The following ADK variants were observed in gnomAD, a reference collection of about 807,000 sequenced individuals.
ADK encodes adenosine kinase, also known as N6,N6-dimethyladenosine kinase.
In ADK, 24 loss-of-function variants were observed where a neutral mutation model predicts 44.7. The observed-to-expected ratio is 0.54, with a 90% CI of 0.39 to 0.76. The LOEUF (loss-of-function observed/expected upper bound fraction) is 0.76, where lower values mean the gene tolerates loss of function less well. ADK is among the 30% of genes least tolerant of loss of function. The probability of loss-of-function intolerance (pLI) is 0.00; values close to 1 mark genes in which losing one functional copy is unlikely to be tolerated. For missense variants in ADK, 321 were observed against 425.1 expected (o/e 0.76, Z 2.15); for synonymous variants, 128 against 142.6 (o/e 0.90, Z 0.73).
rs1831110830 is a variant in ADK at position 74,303,592 on chromosome 10, T to TTTG, written c.195-11073_195-11072insGTT. ...TTTCATATTGGTTTTAATGTTGTTT[T>TTTG]TTTTTTTTTTTTTTTTTTTTTTGCT... On this transcript the variant is annotated intron_variant, in intron 3 of 10. Coordinates refer to ENST00000539909, the MANE Select transcript of ADK (RefSeq NM_006721.4). Among the ~76,000 whole-genome samples, 2 of 112,104 alleles carry TTTG rather than the reference T, an allele frequency of 1.8e-5. 1 individual carries two copies. Among genetic ancestry groups the TTTG allele is most frequent in the Non-Finnish European group, 3.8e-5 (2 of 52,404 alleles). 73.5% of individuals were successfully genotyped at this position (112,104 alleles called of 152,430 possible).
At chr10:74,695,150 G>A (rs923859772) in intron 10 of ADK, among the ~76,000 whole-genome samples, 3 of 151,992 alleles carry the variant, frequency 2.0e-5, no homozygotes, top group African/African-American at 7.2e-5. Flanking sequence ...TAGATTTTTA[G>A]AAGTATTTAA....
chr10:74,672,296 G>C (rs1471862870), intron 10 of ADK, among the ~76,000 whole-genome samples: 1 of 151,602 alleles, frequency 6.6e-6, no homozygotes, highest in South Asian at 2.1e-4. Flanking sequence ...CTTGTGTTTT[G>C]TTTTTTTACA....
chr10:74,674,036 G>T (rs1257335285), intron 10 of ADK, among the ~76,000 whole-genome samples: 2 of 152,140 alleles, frequency 1.3e-5, no homozygotes, highest in Non-Finnish European at 2.9e-5. Context: ...GATTGTGGGT[G>T]GGGTGGGCCA....
chr10:74,268,182 A>G (rs1349787620), intron 3 of ADK, among the ~76,000 whole-genome samples: 1 of 151,962 alleles, frequency 6.6e-6, no homozygotes, highest in Non-Finnish European at 1.5e-5. Flanking sequence ...AGTTAGCCAG[A>G]GATAGTGGCA....
intron 6 of ADK, among the ~76,000 whole-genome samples, chr10:74,457,756 C>T (rs1313532205): frequency 6.6e-6 from 1 of 152,138 alleles, no homozygotes; most frequent in Non-Finnish European, 1.5e-5. Context: ...TCTCAGTAAA[C>T]TAACACAAGA....
At chr10:74,259,156 G>C (rs1845944676) in intron 3 of ADK, among the ~76,000 whole-genome samples, 1 of 151,764 alleles carries the variant, frequency 6.6e-6, no homozygotes, top group Non-Finnish European at 1.5e-5. Context: ...TGTTGGCCAG[G>C]CTGATTTCGA....
rs1016605278 is a variant in ADK, at chr10:74,274,721, T to G, written c.195-39946T>G. 2.2e-5 allele frequency among the ~76,000 whole-genome samples: 3 copies of G among 133,648 alleles called. No homozygotes were observed. The East Asian group carries it at 6.2e-4, about 28-fold the overall frequency. 87.7% of individuals were successfully genotyped at this position (133,648 alleles called of 152,430 possible). ...GCAGAGGTGATTAGTAGGAGAAAAA[T>G]TTTAATGTGTGTATATATATATATA... On this transcript the variant is annotated intron_variant, in intron 3 of 10. Coordinates refer to ENST00000539909, the MANE Select transcript of ADK (RefSeq NM_006721.4).
intron 8 of ADK, among the ~76,000 whole-genome samples, chr10:74,593,619 G>T (rs994573886): frequency 6.6e-6 from 1 of 152,110 alleles, no homozygotes; most frequent in African/African-American, 2.4e-5. Context: ...AGTTAGTGGG[G>T]ACAGCATATG....
chr10:74,283,930 T>C (rs1564632483), intron 3 of ADK, among the ~76,000 whole-genome samples: 1 of 151,918 alleles, frequency 6.6e-6, no homozygotes, highest in Non-Finnish European at 1.5e-5. Context: ...TCCGCCTGCC[T>C]AGGCCTCCCA....
intron 6 of ADK, among the ~76,000 whole-genome samples, chr10:74,449,984 G>A (rs144398467): frequency 2.3e-4 from 35 of 152,184 alleles, no homozygotes; most frequent in African/African-American, 8.4e-4. Flanking sequence ...ATTATACTTG[G>A]AGTCGAAATC....
intron 6 of ADK, among the ~76,000 whole-genome samples, chr10:74,411,879 G>A (rs531484668): frequency 2.0e-4 from 31 of 152,268 alleles, no homozygotes; most frequent in South Asian, 6.2e-4. Flanking sequence ...TGAATTTTTC[G>A]TTGTCATTTC....
chr10:74,218,730 A>G (rs1437498372), intron 2 of ADK, among the ~76,000 whole-genome samples: 2 of 152,224 alleles, frequency 1.3e-5, no homozygotes, highest in Non-Finnish European at 2.9e-5. Context: ...TCTTAAAGAA[A>G]AGAATTTTCA....
chr10:74,484,153 G>A (rs1274545802), intron 6 of ADK, among the ~76,000 whole-genome samples: 2 of 152,218 alleles, frequency 1.3e-5, no homozygotes, highest in African/African-American at 2.4e-5. Flanking sequence ...TTGGCTCATA[G>A]TTCCGCAGGC....
intron 8 of ADK, 86 bp downstream of exon 8, chr10:74,589,403 T>G: frequency 1.5e-6 from 2 of 1,365,414 alleles, no homozygotes; most frequent in East Asian, 4.6e-5. Flanking sequence ...GTGATTGATG[T>G]GCTATTATAC....
At position 74,645,561 on chromosome 10, in the gene ADK, T is replaced by C. The variant is rs72820513; in HGVS notation, c.878-24622T>C. 2.8e-3 allele frequency among the ~76,000 whole-genome samples: 432 copies of C among 152,370 alleles called. 1 individual carries two copies. Among genetic ancestry groups the C allele is most frequent in the Non-Finnish European group, 5.2e-3 (356 of 68,030 alleles). On this transcript the variant is annotated intron_variant, in intron 9 of 10. Transcript: ENST00000539909. ...AAAGCTGCAAGTGCTACTACCACTG[T>C]TTTGTGACCCCTGAATGATTTCTGC... is the stretch of plus-strand genomic sequence containing the variant.
intron 7 of ADK, among the ~76,000 whole-genome samples, chr10:74,566,620 AC>A (rs1350082481): frequency 2.0e-5 from 3 of 152,188 alleles, no homozygotes; most frequent in African/African-American, 7.2e-5. Flanking sequence ...TTGTGCTTAA[AC>A]ATAGTAAGAT....
Position 74,355,891 on chromosome 10 carries a change from C to T in ADK, c.274-38250C>T, listed in dbSNP as rs375698060. On this transcript the variant is annotated intron_variant, in intron 4 of 10. Coordinates refer to ENST00000539909, the MANE Select transcript of ADK (RefSeq NM_006721.4). ...CATGTTATTTATATAAGCAAATGAG[C>T]ATATTTGCCAATCAATCCACGGTAA... Among the ~76,000 whole-genome samples, 7 of 151,720 alleles carry T rather than the reference C, an allele frequency of 4.6e-5. No homozygotes were observed. The East Asian group carries it at 7.8e-4, about 17-fold the overall frequency.
intron 7 of ADK, among the ~76,000 whole-genome samples, chr10:74,531,457 T>C (rs1849288545): frequency 6.6e-6 from 1 of 152,168 alleles, no homozygotes; most frequent in Admixed American, 6.5e-5. Context: ...ATTAAAGAAA[T>C]TGAATTTGTA....
At chr10:74,374,756 G>T (rs1842768268) in intron 4 of ADK, among the ~76,000 whole-genome samples, 1 of 152,062 alleles carries the variant, frequency 6.6e-6, no homozygotes. Context: ...TTTTTTGTGT[G>T]TATGAGTTTC....
Sources: gnomAD v4.1 joint callset for allele counts (sites outside exome capture counted in the v4.1 genomes callset) on GRCh38, gnomAD v4.1.1 for gene constraint, MANE v1.5 for transcripts, NCBI Gene and HGNC (gene_info 2026-07-23, HGNC 2026-07-21) for gene names.